SHC4: variants seen among roughly 807,000 people sequenced by gnomAD.
SHC4 encodes SHC-transforming protein 4.
A neutral mutation model predicts 69.4 loss-of-function variants in SHC4; 41 were observed. The observed-to-expected ratio is 0.59, with a 90% CI of 0.46 to 0.77. SHC4 has a LOEUF of 0.77. Ranked by LOEUF, SHC4 falls within the 30% of genes least tolerant of loss-of-function variation. The pLI is 0.00. For missense variants in SHC4, 777 were observed against 783.8 expected (o/e 0.99, Z 0.10); for synonymous variants, 318 against 299.3 (o/e 1.06, Z -0.64).
At chr15:48,887,188 T>G (rs1224668154) in intron 3 of SHC4, among the ~76,000 whole-genome samples, 1 of 152,196 alleles carries the variant, frequency 6.6e-6, no homozygotes, top group African/African-American at 2.4e-5. Context: ...ATCTAACAGA[T>G]CTAAAGAAAT....
chr15:48,877,638 TAA>T (rs74381270), intron 4 of SHC4: 2,191 of 659,804 alleles, frequency 3.3e-3, no homozygotes, highest in Middle Eastern at 5.2e-3. Context: ...TCACTATAAC[TAA>T]AAAAAAAAAA....
At chr15:48,893,517 C>T (rs145812839) in intron 2 of SHC4, among the ~76,000 whole-genome samples, 54 of 152,238 alleles carry the variant, frequency 3.5e-4, no homozygotes, top group African/African-American at 1.0e-3. Context: ...TGAAGGCTGG[C>T]CAGATTTGGC....
chr15:48,867,709 T>G (rs1899589649), intron 6 of SHC4, 109 bp downstream of exon 6: 2 of 910,808 alleles, frequency 2.2e-6, no homozygotes, highest in Non-Finnish European at 3.4e-6. Context: ...GAATCCAGTA[T>G]AGCACCCTAG....
chr15:48,878,253 G>A (rs753562915), intron 4 of SHC4: 1 of 1,612,518 alleles, frequency 6.2e-7, no homozygotes, highest in Non-Finnish European at 8.5e-7. Context: ...CCTGGCGAGG[G>A]TGACCTTCCG....
chr15:48,878,909 G>A (rs1239325890), intron 4 of SHC4: 1 of 529,080 alleles, frequency 1.9e-6, no homozygotes, highest in Non-Finnish European at 3.4e-6. Flanking sequence ...TGTGAAAAAG[G>A]AAGAGAATCA....
intron 2 of SHC4, among the ~76,000 whole-genome samples, chr15:48,907,347 C>G (rs1595752624): frequency 6.6e-6 from 1 of 151,830 alleles, no homozygotes; most frequent in Admixed American, 6.6e-5. Flanking sequence ...CTCAGCCTTC[C>G]CAGTAGCTGA....
In SHC4 at chr15:48,963,642, C is replaced by G. The variant is rs1429661832; in HGVS notation, c.-627G>C. Among the ~76,000 whole-genome samples the G allele has an allele frequency of 6.6e-6, 1 of 152,192 alleles. No homozygotes were observed. Among genetic ancestry groups the G allele is most frequent in the Non-Finnish European group, 1.5e-5 (1 of 68,038 alleles). ...TCTTGGAAGATCTTGTCTTGCATCC[C>G]GTTCTGGGCCACCAGCCAGGAGTAC... On this transcript the variant is annotated 5_prime_UTR_variant, in exon 1 of 12. Transcript: ENST00000332408.
chr15:48,924,524 A>G (rs995527643), intron 2 of SHC4, among the ~76,000 whole-genome samples: 2 of 152,132 alleles, frequency 1.3e-5, no homozygotes, highest in African/African-American at 4.8e-5. Flanking sequence ...CTCATGTTGA[A>G]AGTCTTACTT....
Position 48,843,602 on chromosome 15 carries a change from T to C in SHC4, c.1304-14A>G, listed in dbSNP as rs372890558. The C allele has an allele frequency of 3.7e-6, 6 of 1,603,296 alleles. No homozygotes were observed. In the East Asian group the frequency reaches 6.7e-5, roughly 18 times the overall value. ...GATGGACATTACCTGTAGTGATTAG[T>C]AGTGATCAATACATTATGTTTTTTC... On this transcript the variant is annotated splice_polypyrimidine_tract_variant and intron_variant, in intron 9 of 11. Transcript: ENST00000332408.
At chr15:48,958,576 A>G (rs1002697171) in intron 1 of SHC4, among the ~76,000 whole-genome samples, 1 of 152,190 alleles carries the variant, frequency 6.6e-6, no homozygotes, top group Non-Finnish European at 1.5e-5. Context: ...TGGAAAGGAA[A>G]CTAACATTTT....
chr15:48,959,263 C>G (rs1445124056), intron 1 of SHC4, among the ~76,000 whole-genome samples: 2 of 152,174 alleles, frequency 1.3e-5, no homozygotes, highest in East Asian at 3.8e-4. Context: ...CTTTATTGCT[C>G]TCCATAGCAC....
chr15:48,894,163 G>A lies in SHC4; in HGVS notation c.657-3352C>T, dbSNP rs1900184126. On this transcript the variant is annotated intron_variant, in intron 2 of 11. Coordinates refer to ENST00000332408, the MANE Select transcript of SHC4 (RefSeq NM_203349.4). ...AGTCTATATAAATTAGTGTGAAAAA[G>A]TAGAACTTGCAACAGTATGTACACA... 2.0e-5 allele frequency among the ~76,000 whole-genome samples: 3 copies of A among 152,268 alleles called. No individual in the cohort carries two copies. The East Asian group carries it at 5.8e-4, about 29-fold the overall frequency.
chr15:48,904,556 C>G (rs777424173), intron 2 of SHC4, among the ~76,000 whole-genome samples: 4 of 152,124 alleles, frequency 2.6e-5, no homozygotes, highest in African/African-American at 9.7e-5. Flanking sequence ...TGAGTATCTT[C>G]ATGAAATTTA....
intron 2 of SHC4, among the ~76,000 whole-genome samples, chr15:48,909,931 T>A (rs1401962488): frequency 2.0e-5 from 3 of 152,220 alleles, no homozygotes; most frequent in Non-Finnish European, 4.4e-5. Flanking sequence ...ATTATCTTTT[T>A]TGATATGTTG....
At chr15:48,855,532 G>A (rs890551373) in intron 8 of SHC4, among the ~76,000 whole-genome samples, 14 of 152,138 alleles carry the variant, frequency 9.2e-5, no homozygotes, top group Non-Finnish European at 1.8e-4. Flanking sequence ...GGAACCAATA[G>A]AGAAAGAGTG....
chr15:48,938,839 A>C (rs150864651), intron 1 of SHC4, among the ~76,000 whole-genome samples: 174 of 152,342 alleles, frequency 1.1e-3, no homozygotes, highest in African/African-American at 1.7e-3. Context: ...AGAGGGGAGA[A>C]GGAATATGGC....
chr15:48,901,445 C>T (rs922793958), intron 2 of SHC4, among the ~76,000 whole-genome samples: 1 of 152,158 alleles, frequency 6.6e-6, no homozygotes, highest in Non-Finnish European at 1.5e-5. Context: ...AATTATGGGA[C>T]TCCCTTTACG....
At chr15:48,878,017 T>TCCAA in intron 4 of SHC4, 4 of 895,860 alleles carry the variant, frequency 4.5e-6, no homozygotes, top group Non-Finnish European at 6.6e-6. Flanking sequence ...ACTGAGCTAC[T>TCCAA]CCAACCACAG....
chr15:48,933,579 A>C (rs1238510405), intron 1 of SHC4, among the ~76,000 whole-genome samples: 1 of 152,186 alleles, frequency 6.6e-6, no homozygotes, highest in African/African-American at 2.4e-5. Context: ...AACTGATCCT[A>C]AAATTCATGT....
Sources: allele counts gnomAD v4.1 joint callset (sites outside exome capture counted in the v4.1 genomes callset), GRCh38; gene constraint gnomAD v4.1.1; transcripts MANE v1.5; gene names NCBI Gene and HGNC (gene_info 2026-07-23, HGNC 2026-07-21).